Variants in SLC44A5 observed in about 807,000 individuals in gnomAD.
SLC44A5 encodes choline transporter-like protein 5.
SLC44A5 carries 57 observed loss-of-function variants against 101.8 expected under a neutral mutation model. The ratio of observed to expected loss-of-function variants is 0.56; its 90% confidence interval spans 0.45 to 0.70. The LOEUF is 0.70. Ranked by LOEUF, SLC44A5 falls within the 30% of genes least tolerant of loss-of-function variation. The pLI is 0.00. For synonymous variants in SLC44A5, 281 were observed against 290.9 expected (o/e 0.97, Z 0.35); for missense variants, 737 against 853.1 (o/e 0.86, Z 1.70).
At chr1:75,350,674 C>T (rs764877773) in intron 3 of SLC44A5, among the ~76,000 whole-genome samples, 7 of 151,652 alleles carry the variant, frequency 4.6e-5, no homozygotes, top group Non-Finnish European at 7.4e-5. Context: ...GCGGGAGGAT[C>T]ACAAGGTCAG....
At chr1:75,444,035 G>A (rs1665361716) in intron 2 of SLC44A5, among the ~76,000 whole-genome samples, 1 of 151,966 alleles carries the variant, frequency 6.6e-6, no homozygotes, top group South Asian at 2.1e-4. Flanking sequence ...TAGTGCTGAT[G>A]GCCAGGCATG....
At chr1:75,236,789 C>A (rs1648123296) in intron 11 of SLC44A5, among the ~76,000 whole-genome samples, 198 bp downstream of exon 11, 2 of 152,010 alleles carry the variant, frequency 1.3e-5, no homozygotes, top group Non-Finnish European at 2.9e-5. Context: ...CAACAGTGGG[C>A]ATATTTCCAA....
intron 2 of SLC44A5, among the ~76,000 whole-genome samples, chr1:75,408,120 T>C (rs1249788): frequency 0.35 from 53,138 of 152,040 alleles, 9,496 homozygotes; most frequent in Middle Eastern, 0.42. Context: ...AAAAGCTCAT[T>C]GTCGCTGGTC....
intron 4 of SLC44A5, among the ~76,000 whole-genome samples, chr1:75,301,627 T>G (rs1404362915): frequency 6.6e-6 from 1 of 152,156 alleles, no homozygotes; most frequent in Non-Finnish European, 1.5e-5. Flanking sequence ...ACACACTTAT[T>G]TTTTGAAGTG....
At chr1:75,297,900 C>G (rs1411874792) in intron 5 of SLC44A5, among the ~76,000 whole-genome samples, 1 of 152,010 alleles carries the variant, frequency 6.6e-6, no homozygotes, top group Non-Finnish European at 1.5e-5. Flanking sequence ...TGGCCATATT[C>G]CACATAAAGG....
intron 5 of SLC44A5, among the ~76,000 whole-genome samples, chr1:75,277,717 A>C (rs891119065): frequency 3.3e-5 from 5 of 151,630 alleles, no homozygotes; most frequent in African/African-American, 1.2e-4. Flanking sequence ...GGGGGATCTG[A>C]GTGTCTGGGG....
At chr1:75,375,932 C>T (rs1361719420) in intron 3 of SLC44A5, among the ~76,000 whole-genome samples, 2 of 152,308 alleles carry the variant, frequency 1.3e-5, no homozygotes, top group South Asian at 4.1e-4. Context: ...GTACCGGGTT[C>T]ATCTCACTTG....
intron 2 of SLC44A5, among the ~76,000 whole-genome samples, chr1:75,411,957 A>C (rs941061071): frequency 1.3e-5 from 2 of 152,120 alleles, no homozygotes; most frequent in South Asian, 4.1e-4. Flanking sequence ...ACAATTCGCT[A>C]TGATTTATAA....
chr1:75,696,875 C>T, the SLC44A5 span, among the ~76,000 whole-genome samples: 39 of 149,882 alleles, frequency 2.6e-4, no homozygotes, highest in Non-Finnish European at 1.2e-4. Flanking sequence ...GGCAACAGAG[C>T]GAGACTCTGT....
At chr1:75,432,965 T>C (rs889713650) in intron 2 of SLC44A5, among the ~76,000 whole-genome samples, 2 of 152,042 alleles carry the variant, frequency 1.3e-5, no homozygotes, top group Non-Finnish European at 2.9e-5. Flanking sequence ...TCTCTCTACC[T>C]GTGCTTGGAG....
intron 1 of SLC44A5, among the ~76,000 whole-genome samples, chr1:75,575,911 A>G (rs1367750451): frequency 6.6e-6 from 1 of 152,222 alleles, no homozygotes; most frequent in Non-Finnish European, 1.5e-5. Context: ...ACATTCAGAA[A>G]GTAACCAGGA....
chr1:75,581,222 A>C (rs1487636098), intron 1 of SLC44A5, among the ~76,000 whole-genome samples: 1 of 152,218 alleles, frequency 6.6e-6, no homozygotes, highest in South Asian at 2.1e-4. Flanking sequence ...AGTAGACAAA[A>C]TCTTAAAAAA....
At chr1:75,680,322 C>A in the SLC44A5 span, among the ~76,000 whole-genome samples, 1 of 151,774 alleles carries the variant, frequency 6.6e-6, no homozygotes. Context: ...TTTTTCAGCA[C>A]CACACCACAC....
At chr1:75,491,674 C>T (rs1668432190) in intron 2 of SLC44A5, among the ~76,000 whole-genome samples, 2 of 151,914 alleles carry the variant, frequency 1.3e-5, no homozygotes, top group South Asian at 4.1e-4. Flanking sequence ...GTAAGTGTCA[C>T]AGAGTTTAAT....
intron 2 of SLC44A5, among the ~76,000 whole-genome samples, chr1:75,515,249 T>C (rs1246892322): frequency 6.6e-6 from 1 of 152,220 alleles, no homozygotes; most frequent in Non-Finnish European, 1.5e-5. Context: ...AGCTAACATA[T>C]TCATCACGTC....
chr1:75,679,331 T>A, the SLC44A5 span, among the ~76,000 whole-genome samples: 47 of 151,832 alleles, frequency 3.1e-4, no homozygotes, highest in African/African-American at 1.1e-3. Context: ...AAAGTTGAAA[T>A]GAAGGAAAAA....
At chr1:75,634,636 T>C in the SLC44A5 span, among the ~76,000 whole-genome samples, 3 of 151,214 alleles carry the variant, frequency 2.0e-5, no homozygotes, top group African/African-American at 4.9e-5. Flanking sequence ...CTGGATCCCT[T>C]CCTTACACCT....
intron 1 of SLC44A5, among the ~76,000 whole-genome samples, chr1:75,590,479 T>C (rs1264371960): frequency 6.6e-6 from 1 of 152,156 alleles, no homozygotes; most frequent in Admixed American, 6.5e-5. Flanking sequence ...CACAGAGGCA[T>C]ACAGCACCAG....
At chr1:75,578,124 TAAAC>T (rs1673476685) in intron 1 of SLC44A5, among the ~76,000 whole-genome samples, 1 of 152,088 alleles carries the variant, frequency 6.6e-6, no homozygotes. Context: ...TTATACTCCT[TAAAC>T]AATCCATAAA....
Sources: allele counts gnomAD v4.1 joint callset (sites outside exome capture counted in the v4.1 genomes callset), GRCh38; gene constraint gnomAD v4.1.1; transcripts MANE v1.5; gene names NCBI Gene and HGNC (gene_info 2026-07-23, HGNC 2026-07-21).